Variants in FKBP5 observed in about 807,000 individuals in gnomAD.
The protein encoded by FKBP5 is peptidyl-prolyl cis-trans isomerase FKBP5.
A neutral mutation model predicts 50.5 loss-of-function variants in FKBP5; 23 were observed. The ratio of observed to expected loss-of-function variants is 0.46; its 90% confidence interval spans 0.33 to 0.65. FKBP5 has a LOEUF of 0.65. FKBP5 is among the 30% of genes least tolerant of loss of function. The pLI is 0.02. For missense variants in FKBP5, 411 were observed against 553.1 expected (o/e 0.74, Z 2.58); for synonymous variants, 176 against 190.6 (o/e 0.92, Z 0.63).
intron 5 of FKBP5, 84 bp downstream of exon 5, chr6:35,619,012 C>T: frequency 2.2e-6 from 2 of 923,176 alleles, no homozygotes; most frequent in Non-Finnish European, 3.5e-6. Flanking sequence ...TTCATTTCTA[C>T]AAACATTTTT....
intron 8 of FKBP5, chr6:35,581,905 TC>T: frequency 1.0e-6 from 1 of 985,484 alleles, no homozygotes; most frequent in African/African-American, 1.7e-5. Flanking sequence ...GAGTTGTCTC[TC>T]CCCACAAATA....
chr6:35,640,472 C>T (rs142175265), intron 2 of FKBP5, among the ~76,000 whole-genome samples: 116 of 152,254 alleles, frequency 7.6e-4, no homozygotes, highest in Non-Finnish European at 5.4e-4. Flanking sequence ...GATGAGTCAG[C>T]GAGTGAGCAG....
chr6:35,639,483 T>C (rs1290717363), intron 2 of FKBP5, among the ~76,000 whole-genome samples: 1 of 152,096 alleles, frequency 6.6e-6, no homozygotes, highest in Non-Finnish European at 1.5e-5. Context: ...CTGAGGCAAG[T>C]TGGGGATCAT....
intron 1 of FKBP5, among the ~76,000 whole-genome samples, chr6:35,686,202 A>G (rs1765822681): frequency 6.6e-6 from 1 of 152,136 alleles, no homozygotes. Context: ...AATTCAACTT[A>G]TGCTTAATTT....
chr6:35,706,998 T>G (rs1766328360), intron 2 of FKBP5, among the ~76,000 whole-genome samples: 1 of 152,186 alleles, frequency 6.6e-6, no homozygotes, highest in Admixed American at 6.5e-5. Context: ...TTTAAAAATC[T>G]TATATGTATA....
rs143403295 is a variant in FKBP5, at chr6:35,613,452, G to A, written c.508+5644C>T. 3.2e-3 allele frequency among the ~76,000 whole-genome samples: 481 copies of A among 152,296 alleles called. 2 individuals are homozygous for A. Among genetic ancestry groups the A allele is most frequent in the African/African-American group, 7.5e-3 (311 of 41,558 alleles). On this transcript the variant is annotated intron_variant, in intron 5 of 10. Coordinates refer to ENST00000357266, the MANE Select transcript of FKBP5 (RefSeq NM_004117.4). ...ACTGGTCTCAAATTCCTGACCTCAC[G>A]TGATCTGCCCACCTCGGCCTCCCAA...
intron 1 of FKBP5, among the ~76,000 whole-genome samples, chr6:35,647,627 A>C (rs1764666247): frequency 6.6e-6 from 1 of 152,234 alleles, no homozygotes; most frequent in Non-Finnish European, 1.5e-5. Context: ...CCCAGAAAGC[A>C]GGAGTGAGCT....
At chr6:35,722,111 C>T (rs1005644051) in intron 1 of FKBP5, among the ~76,000 whole-genome samples, 7 of 152,142 alleles carry the variant, frequency 4.6e-5, no homozygotes, top group Non-Finnish European at 2.9e-5. Flanking sequence ...CACACTCCAT[C>T]GCATCCCTAT....
At chr6:35,699,940 G>A (rs1402469497) in intron 2 of FKBP5, among the ~76,000 whole-genome samples, 2 of 151,840 alleles carry the variant, frequency 1.3e-5, no homozygotes, top group Non-Finnish European at 1.5e-5. Flanking sequence ...CCAGCTACTC[G>A]GGAGACTGAG....
At chr6:35,673,594 T>C (rs1261907478) in intron 1 of FKBP5, among the ~76,000 whole-genome samples, 1 of 152,026 alleles carries the variant, frequency 6.6e-6, no homozygotes, top group Non-Finnish European at 1.5e-5. Context: ...AGAATACTAT[T>C]TATGTTTATA....
intron 8 of FKBP5, 147 bp from the exon 9 acceptor site, chr6:35,580,368 T>C: frequency 1.5e-6 from 1 of 676,588 alleles, no homozygotes; most frequent in South Asian, 1.9e-5. Context: ...CCAGGTACCT[T>C]TCCCACTCCC....
At chr6:35,620,328 A>C in intron 3 of FKBP5, 54 bp from the exon 4 acceptor site, 1 of 1,567,180 alleles carries the variant, frequency 6.4e-7, no homozygotes, top group Non-Finnish European at 8.7e-7. Flanking sequence ...AAAAAGATTT[A>C]ACTTTCATAA....
intron 2 of FKBP5, among the ~76,000 whole-genome samples, chr6:35,715,977 G>A (rs891774826): frequency 6.6e-6 from 1 of 152,160 alleles, no homozygotes; most frequent in Non-Finnish European, 1.5e-5. Flanking sequence ...AAAGGATAGG[G>A]CAAGAATAAC....
At chr6:35,679,863 A>G (rs150896513) in intron 1 of FKBP5, among the ~76,000 whole-genome samples, 3 of 152,298 alleles carry the variant, frequency 2.0e-5, no homozygotes, top group African/African-American at 7.2e-5. Context: ...ATTCACCATG[A>G]TATAATTCAT....
intron 2 of FKBP5, among the ~76,000 whole-genome samples, chr6:35,694,330 G>A (rs1468435637): frequency 1.3e-5 from 2 of 151,582 alleles, no homozygotes; most frequent in Non-Finnish European, 2.9e-5. Flanking sequence ...TATTTGTAGC[G>A]ACAGGTCTCA....
At chr6:35,664,113 C>T (rs1413026589) in intron 1 of FKBP5, among the ~76,000 whole-genome samples, 2 of 152,208 alleles carry the variant, frequency 1.3e-5, no homozygotes, top group South Asian at 4.1e-4. Flanking sequence ...TGTGAACAGG[C>T]TCCATGCTGA....
intron 2 of FKBP5, among the ~76,000 whole-genome samples, chr6:35,711,954 G>A (rs1766421550): frequency 6.7e-6 from 1 of 149,760 alleles, no homozygotes; most frequent in Non-Finnish European, 1.5e-5. Flanking sequence ...ATAGTTCACT[G>A]TAACCTTGAA....
At chr6:35,583,574 T>A (rs1411019909) in intron 8 of FKBP5, 2 of 983,554 alleles carry the variant, frequency 2.0e-6, no homozygotes, top group East Asian at 2.3e-4. Context: ...AACTGGGGGG[T>A]GATTTTGCCC....
Position 35,606,521 on chromosome 6 carries a change from G to A in FKBP5, c.509-9117C>T, listed in dbSNP as rs185530013. Among the ~76,000 whole-genome samples, 94 of 151,732 alleles carry A rather than the reference G, an allele frequency of 6.2e-4. 1 individual carries two copies. The East Asian group carries it at 0.011, about 18-fold the overall frequency. ...AAATATTTTAAAAAATTAGCCGGGC[G>A]TGGTGGTGGGCGCCTGTAGTCCCAG... On this transcript the variant is annotated intron_variant, in intron 5 of 10. Transcript: ENST00000357266.
Sources: gnomAD v4.1 joint callset for allele counts (sites outside exome capture counted in the v4.1 genomes callset) on GRCh38, gnomAD v4.1.1 for gene constraint, MANE v1.5 for transcripts, NCBI Gene and HGNC (gene_info 2026-07-23, HGNC 2026-07-21) for gene names.